The following NCK2 variants were observed in gnomAD, a reference collection of about 807,000 sequenced individuals.
NCK2 encodes the protein cytoplasmic protein NCK2.
A neutral mutation model predicts 33.9 loss-of-function variants in NCK2; 16 were observed. The ratio of observed to expected loss-of-function variants is 0.47; its 90% CI spans 0.32 to 0.72. The LOEUF (loss-of-function observed/expected upper bound fraction) is 0.72. Among genes scored for constraint, NCK2 ranks in the 30% least tolerant of loss-of-function variants. NCK2 has a pLI of 0.03. For missense variants in NCK2, 418 were observed against 537.3 expected (o/e 0.78, Z 2.19); for synonymous variants, 273 against 239.9 (o/e 1.14, Z -1.27).
chr2:105,856,298 T>C (rs539953638), intron 3 of NCK2, among the ~76,000 whole-genome samples: 2 of 150,276 alleles, frequency 1.3e-5, no homozygotes, highest in African/African-American at 2.5e-5. Context: ...GAGGACTTTT[T>C]TGAAGAATGA....
At chr2:105,831,216 T>C (rs1676171560) in intron 2 of NCK2, among the ~76,000 whole-genome samples, 2 of 152,202 alleles carry the variant, frequency 1.3e-5, no homozygotes, top group East Asian at 3.8e-4. Context: ...TAAAGTGATC[T>C]ATACATTCAG....
At chr2:105,753,568 C>T (rs1001886490) in intron 1 of NCK2, among the ~76,000 whole-genome samples, 1 of 152,226 alleles carries the variant, frequency 6.6e-6, no homozygotes, top group Non-Finnish European at 1.5e-5. Context: ...GCCTCTTCAT[C>T]AGTAGCTGTG....
intron 2 of NCK2, among the ~76,000 whole-genome samples, chr2:105,849,168 A>G (rs1676964221): frequency 6.6e-6 from 1 of 152,214 alleles, no homozygotes; most frequent in African/African-American, 2.4e-5. Flanking sequence ...GGATCCCTTG[A>G]GGCCAGAAGC....
At chr2:105,800,744 GTGTTT>G (rs1386640963) in intron 1 of NCK2, among the ~76,000 whole-genome samples, 1 of 152,158 alleles carries the variant, frequency 6.6e-6, no homozygotes, top group African/African-American at 2.4e-5. Flanking sequence ...ATGAACGTCT[GTGTTT>G]TGTTTTGTTT....
At chr2:105,787,300 G>T (rs560994306) in intron 1 of NCK2, among the ~76,000 whole-genome samples, 45 of 152,330 alleles carry the variant, frequency 3.0e-4, no homozygotes, top group African/African-American at 1.0e-3. Context: ...CAAGTGCAAT[G>T]GACTGAAATT....
chr2:105,789,670 A>G (rs1384705299), intron 1 of NCK2, among the ~76,000 whole-genome samples: 1 of 152,238 alleles, frequency 6.6e-6, no homozygotes, highest in Non-Finnish European at 1.5e-5. Flanking sequence ...CTTATTGTCC[A>G]TCATCATCTG....
At chr2:105,866,638 G>A (rs932174551) in intron 3 of NCK2, among the ~76,000 whole-genome samples, 2 of 152,174 alleles carry the variant, frequency 1.3e-5, no homozygotes, top group Non-Finnish European at 2.9e-5. Context: ...ATGCTGCACC[G>A]CCTGACAGGA....
chr2:105,872,002 G>C (rs1678034498), intron 3 of NCK2, among the ~76,000 whole-genome samples: 1 of 152,200 alleles, frequency 6.6e-6, no homozygotes, highest in Non-Finnish European at 1.5e-5. Flanking sequence ...TGGGGAAGCT[G>C]TCAAGAATAC....
chr2:105,763,636 T>C (rs1471501877), intron 1 of NCK2, among the ~76,000 whole-genome samples: 1 of 152,022 alleles, frequency 6.6e-6, no homozygotes, highest in East Asian at 1.9e-4. Flanking sequence ...GGGGTTGGGG[T>C]TGGGTTGTGC....
chr2:105,788,833 A>G (rs890855016), intron 1 of NCK2, among the ~76,000 whole-genome samples: 24 of 152,166 alleles, frequency 1.6e-4, no homozygotes, highest in Admixed American at 6.5e-4. Context: ...AACAAAAGCT[A>G]TCTGTGTTAA....
At chr2:105,750,326 C>T (rs1244335820) in intron 1 of NCK2, among the ~76,000 whole-genome samples, 3 of 152,070 alleles carry the variant, frequency 2.0e-5, no homozygotes, top group Non-Finnish European at 2.9e-5. Flanking sequence ...CCTTTTTTAA[C>T]CTTATTTATG....
chr2:105,756,439 CAACTTTGG>C (rs1452878816), intron 1 of NCK2, among the ~76,000 whole-genome samples: 1 of 152,176 alleles, frequency 6.6e-6, no homozygotes, highest in Non-Finnish European at 1.5e-5. Flanking sequence ...TCTGAAGTTG[CAACTTTGG>C]AACGATGTGT....
intron 2 of NCK2, among the ~76,000 whole-genome samples, chr2:105,836,977 G>A (rs1436770620): frequency 6.6e-6 from 1 of 152,198 alleles, no homozygotes; most frequent in African/African-American, 2.4e-5. Context: ...GGCTAAGATT[G>A]TAGGCATCTG....
At chr2:105,744,627 G>T (rs1313528026), upstream of NCK2, among the ~76,000 whole-genome samples, 1 of 151,978 alleles carries the variant, frequency 6.6e-6, no homozygotes, top group Non-Finnish European at 1.5e-5. Context: ...CCGGCGCCCG[G>T]CCCGTGCTGC....
At chr2:105,851,004 G>C (rs1268482190) in intron 2 of NCK2, among the ~76,000 whole-genome samples, 2 of 152,194 alleles carry the variant, frequency 1.3e-5, no homozygotes. Context: ...CTCCAGATGG[G>C]CTTCCAGCCA....
intron 1 of NCK2, among the ~76,000 whole-genome samples, chr2:105,758,356 G>T (rs1254499811): frequency 2.7e-5 from 4 of 149,156 alleles, no homozygotes; most frequent in African/African-American, 9.9e-5. Context: ...TTTGAACTGT[G>T]TTTGGAAATT....
In NCK2 at chr2:105,761,134, C is replaced by T. The variant is rs532184116; in HGVS notation, c.-201+15996C>T. Reference sequence around the variant, plus strand: ...CTGCTGTGAGGCCATGCTGGTGTGCCTGCCCGCCCACCCTACTGGGCCTCT... The same window carrying T: ...CTGCTGTGAGGCCATGCTGGTGTGCTTGCCCGCCCACCCTACTGGGCCTCT... On this transcript the variant is annotated intron_variant, in intron 1 of 4. Transcript: ENST00000233154. 1.4e-4 allele frequency among the ~76,000 whole-genome samples: 22 copies of T among 152,336 alleles called. No homozygotes were observed. In the South Asian group the frequency reaches 4.6e-3, roughly 32 times the overall value.
At chr2:105,792,829 C>T (rs879433485) in intron 1 of NCK2, among the ~76,000 whole-genome samples, 2 of 152,134 alleles carry the variant, frequency 1.3e-5, no homozygotes, top group Non-Finnish European at 2.9e-5. Flanking sequence ...CCTGGATGGC[C>T]GTGGCCTCCA....
chr2:105,887,349 CAAAAG>C (rs1294545071), intron 4 of NCK2, among the ~76,000 whole-genome samples: 1 of 152,008 alleles, frequency 6.6e-6, no homozygotes, highest in African/African-American at 2.4e-5. Context: ...ATGTCTTTAC[CAAAAG>C]AAAAGAATGA....
Sources: gnomAD v4.1 joint callset for allele counts (sites outside exome capture counted in the v4.1 genomes callset) on GRCh38, gnomAD v4.1.1 for gene constraint, MANE v1.5 for transcripts, NCBI Gene and HGNC (gene_info 2026-07-23, HGNC 2026-07-21) for gene names.